The following CSMD1 variants were observed in gnomAD, a reference collection of about 807,000 sequenced individuals.
The protein encoded by CSMD1 is CUB and sushi domain-containing protein 1.
In CSMD1, 213 loss-of-function variants were observed where a neutral mutation model predicts 417.5. The ratio of observed to expected loss-of-function variants is 0.51; its 90% confidence interval spans 0.46 to 0.57. The LOEUF (loss-of-function observed/expected upper bound fraction) is 0.57. CSMD1 is among the 20% of genes least tolerant of loss of function. CSMD1 has a pLI of 0.00. For synonymous variants in CSMD1, 2,862 were observed against 1,736.8 expected (o/e 1.65, Z -16.11); for missense variants, 6,923 against 4,529.7 (o/e 1.53, Z -15.17).
intron 5 of CSMD1, among the ~76,000 whole-genome samples, chr8:3,842,009 G>A (rs910868165): frequency 1.3e-5 from 2 of 152,100 alleles, no homozygotes; most frequent in African/African-American, 4.8e-5. Flanking sequence ...TTTGTATATC[G>A]AGTTAAAAGC....
chr8:3,045,501 C>A (rs899720743), intron 50 of CSMD1, among the ~76,000 whole-genome samples: 2 of 152,144 alleles, frequency 1.3e-5, no homozygotes, highest in African/African-American at 2.4e-5. Flanking sequence ...GCAAGAGACC[C>A]CTTATTCCTG....
chr8:4,158,366 T>C lies in CSMD1; in HGVS notation c.416-126267A>G, dbSNP rs931598523. Among the ~76,000 whole-genome samples the C allele has an allele frequency of 6.6e-5, 10 of 151,630 alleles. No individual in the cohort carries two copies. The East Asian group carries it at 9.7e-4, about 15-fold the overall frequency. On this transcript the variant is annotated intron_variant, in intron 3 of 69. Transcript: ENST00000635120. ...CATTGCAAAGAAAACCCGAAAGAAA[T>C]AGTAATATGAATACAGCCACTAGTG... is the stretch of plus-strand genomic sequence containing the variant.
intron 26 of CSMD1, among the ~76,000 whole-genome samples, chr8:3,265,730 G>C (rs902290736): frequency 1.3e-5 from 2 of 152,162 alleles, no homozygotes; most frequent in African/African-American, 4.8e-5. Context: ...CAGGGCCCTA[G>C]CTTTTACCTT....
At position 3,466,374 on chromosome 8, in the gene CSMD1, C is replaced by T. The variant is rs9314491; in HGVS notation, c.1561+2338G>A. On this transcript the variant is annotated intron_variant, in intron 12 of 69. Coordinates refer to ENST00000635120, the MANE Select transcript of CSMD1 (RefSeq NM_033225.6). ...CAACATCAAAACGTAGAACATTTAA[C>T]TCTATGTGAATATATGCTGTATATA... Among the ~76,000 whole-genome samples, 1,256 of 151,986 alleles carry T rather than the reference C, an allele frequency of 8.3e-3. 18 individuals are homozygous for T. The highest frequency in any genetic ancestry group is 0.029 in the African/African-American group (1,185 of 41,458).
chr8:3,810,074 C>T (rs1475786081), intron 5 of CSMD1, among the ~76,000 whole-genome samples: 1 of 152,144 alleles, frequency 6.6e-6, no homozygotes, highest in Non-Finnish European at 1.5e-5. Context: ...TATTATCATG[C>T]TTGTCACATT....
chr8:4,090,416 T>C (rs571134695), intron 3 of CSMD1, among the ~76,000 whole-genome samples: 1 of 152,306 alleles, frequency 6.6e-6, no homozygotes, highest in South Asian at 2.1e-4. Context: ...AACACCCTAG[T>C]CTTGATTGGA....
intron 54 of CSMD1, among the ~76,000 whole-genome samples, chr8:2,992,642 G>A (rs1247298693): frequency 6.6e-6 from 1 of 152,000 alleles, no homozygotes. Flanking sequence ...GGTCAGGCTG[G>A]TCTCGAACTC....
chr8:4,389,173 A>C (rs1480197738), intron 3 of CSMD1, among the ~76,000 whole-genome samples: 2 of 152,212 alleles, frequency 1.3e-5, no homozygotes, highest in African/African-American at 4.8e-5. Flanking sequence ...ACACAAAATA[A>C]CATCAACTGG....
chr8:4,268,254 A>C (rs1804345258), intron 3 of CSMD1, among the ~76,000 whole-genome samples: 1 of 152,172 alleles, frequency 6.6e-6, no homozygotes. Flanking sequence ...GATGGCATTC[A>C]AATACTAATT....
At chr8:4,837,467 G>C (rs557008111) in intron 1 of CSMD1, among the ~76,000 whole-genome samples, 2 of 152,280 alleles carry the variant, frequency 1.3e-5, no homozygotes, top group Non-Finnish European at 2.9e-5. Context: ...GGAGATCATT[G>C]TGTTAACTAA....
intron 2 of CSMD1, among the ~76,000 whole-genome samples, chr8:4,576,799 A>G (rs1001003900): frequency 2.0e-5 from 3 of 150,800 alleles, no homozygotes; most frequent in African/African-American, 7.3e-5. Flanking sequence ...TTTACCAAAA[A>G]TAATTTAAAT....
chr8:3,522,229 T>C (rs899052723), intron 10 of CSMD1, among the ~76,000 whole-genome samples: 1 of 152,240 alleles, frequency 6.6e-6, no homozygotes, highest in East Asian at 1.9e-4. Context: ...TTACATAAAA[T>C]ATTGCATATG....
intron 26 of CSMD1, among the ~76,000 whole-genome samples, chr8:3,243,390 G>T (rs553755710): frequency 6.6e-6 from 1 of 152,130 alleles, no homozygotes; most frequent in African/African-American, 2.4e-5. Flanking sequence ...TATTTCACCT[G>T]GGTGCAGGTG....
chr8:3,412,145 T>C (rs1037847223), intron 12 of CSMD1, among the ~76,000 whole-genome samples: 1 of 124,466 alleles, frequency 8.0e-6, no homozygotes, highest in African/African-American at 3.1e-5. Flanking sequence ...TATATACATA[T>C]ATATACACAC....
rs565818125 is a variant in CSMD1 at position 4,159,152 on chromosome 8, G to T, written c.416-127053C>A. Among the ~76,000 whole-genome samples, 11 of 152,150 alleles carry T rather than the reference G, an allele frequency of 7.2e-5. 1 individual carries two copies. The South Asian group carries it at 1.7e-3, about 23-fold the overall frequency. On this transcript the variant is annotated intron_variant, in intron 3 of 69. Transcript: ENST00000635120. ...GCTGGTCTTGAACTCCCAACTTCAG[G>T]TAATCCACCTGTCTCGGCCTCCCAA...
At chr8:3,613,210 G>T in intron 8 of CSMD1, 1 of 305,594 alleles carries the variant, frequency 3.3e-6, no homozygotes, top group Non-Finnish European at 6.6e-6. Context: ...AAAGCTCACT[G>T]AAGTAGAAGT....
At chr8:3,409,398 G>T in intron 13 of CSMD1, 25 bp downstream of exon 13, 1 of 1,584,874 alleles carries the variant, frequency 6.3e-7, no homozygotes, top group Non-Finnish European at 8.6e-7. Flanking sequence ...ACAGGAGGGA[G>T]TCCAGGTCAA....
At chr8:4,580,968 T>G (rs886386006) in intron 2 of CSMD1, among the ~76,000 whole-genome samples, 3 of 152,248 alleles carry the variant, frequency 2.0e-5, no homozygotes, top group African/African-American at 7.2e-5. Flanking sequence ...AGACAACGAT[T>G]GTCCACCTCA....
chr8:4,187,096 T>C (rs1798725258), intron 3 of CSMD1, among the ~76,000 whole-genome samples: 1 of 152,224 alleles, frequency 6.6e-6, no homozygotes, highest in Admixed American at 6.5e-5. Flanking sequence ...TAAGGTCCCT[T>C]AAAATTCTGA....
Sources: allele counts gnomAD v4.1 joint callset (sites outside exome capture counted in the v4.1 genomes callset), GRCh38; gene constraint gnomAD v4.1.1; transcripts MANE v1.5; gene names NCBI Gene and HGNC (gene_info 2026-07-23, HGNC 2026-07-21).